The following PNRC1 variants were observed in gnomAD, a reference collection of about 807,000 sequenced individuals.
PNRC1 encodes proline-rich nuclear receptor coactivator 1.
Under a neutral mutation model 20.2 loss-of-function variants are expected in PNRC1, and 6 were observed. The ratio of observed to expected loss-of-function variants is 0.30; its 90% CI spans 0.16 to 0.59. PNRC1 has a LOEUF of 0.59. Among genes scored for constraint, PNRC1 ranks in the 20% least tolerant of loss-of-function variants. The probability of loss-of-function intolerance (pLI) is 0.89; values close to 1 mark genes in which losing one functional copy is unlikely to be tolerated. For missense variants in PNRC1, 488 were observed against 430.2 expected (o/e 1.13, Z -1.19); for synonymous variants, 202 against 186.9 (o/e 1.08, Z -0.66).
chr6:89,081,525 GCGGGTGGGGGC>G, intron 1 of PNRC1, 91 bp downstream of exon 1: 2 of 394,668 alleles, frequency 5.1e-6, no homozygotes, highest in Non-Finnish European at 8.7e-6. Flanking sequence ...GGGGGGTCGG[GCGGGTGGGGGC>G]GGGGTGGGGG....
At chr6:89,082,505 A>G (rs1768024647) in intron 1 of PNRC1, 1 of 152,200 alleles carries the variant, frequency 6.6e-6, no homozygotes, top group Non-Finnish European at 1.5e-5. Flanking sequence ...ATCCGTGATT[A>G]CCTAAAAGCT....
At chr6:89,083,629 T>C (rs1289771297) in intron 1 of PNRC1, 124 bp from the exon 2 acceptor site, 1 of 677,644 alleles carries the variant, frequency 1.5e-6, no homozygotes, top group African/African-American at 1.8e-5. Flanking sequence ...ACAAAGAACA[T>C]AATTTTGTTC....
At chr6:89,082,422 A>G (rs1768022718) in intron 1 of PNRC1, 1 of 152,172 alleles carries the variant, frequency 6.6e-6, no homozygotes, top group Non-Finnish European at 1.5e-5. Flanking sequence ...CCCTTGGGAA[A>G]AAATTTGCCC....
rs968949673 is a variant in PNRC1, at chr6:89,080,772, G to C, written c.-123G>C. The C allele has an allele frequency of 2.2e-5, 20 of 916,872 alleles. No homozygotes were observed. The highest frequency in any genetic ancestry group is 4.3e-5 in the South Asian group (3 of 70,426). 56.8% of individuals were successfully genotyped at this position (916,872 alleles called of 1,614,324 possible). ...ATTTGTTGCTGCGCCGCCACCGCCC[G>C]AGTCATGTTCCGCGATCTTCTCAGG... On this transcript the variant is annotated 5_prime_UTR_variant, in exon 1 of 2. Transcript: ENST00000336032.
chr6:89,081,020 A>T lies in PNRC1; in HGVS notation c.126A>T (p.Leu42Phe). The T allele has an allele frequency of 1.2e-6, 2 of 1,610,842 alleles. No individual in the cohort carries two copies. Among genetic ancestry groups the T allele is most frequent in the Non-Finnish European group, 1.7e-6 (2 of 1,179,598 alleles). Residue 42 changes from leucine to phenylalanine, a missense_variant, in exon 1 of 2, where the codon TTA (leucine) becomes TTT (phenylalanine). Leu to Phe is a conservative substitution (Grantham distance 22). Transcript: ENST00000336032. ...TGGTGACCACGGCTCCGCCTCCTTT[A>T]CCCCGGATCCCGGACCCCCGGGCAC... ...LPMVTTAPPP[L>F]PRIPDPRALP...
At position 89,081,108 on chromosome 6, in the gene PNRC1, C is replaced by T; in HGVS notation, c.214C>T (p.Pro72Ser). 1 of 1,608,838 alleles carries T rather than the reference C, an allele frequency of 6.2e-7. No homozygotes were observed. The highest frequency in any genetic ancestry group is 8.5e-7 in the Non-Finnish European group (1 of 1,179,766). The change falls in exon 1 of 2, where the codon CCT (proline) becomes TCT (serine). Residue 72 changes from proline (P) to serine (S), a missense_variant. By Grantham distance (74) the Pro-to-Ser change is moderately conservative (BLOSUM62 -1). Transcript: ENST00000336032. ...AGATGGCCCGTGTCTGACCCCCCAG[C>T]CTCGCGCTCCAGCAGCTCTGCCCAA... ...GGDGPCLTPQPRAPAALPNRS... is the reference protein window; with the variant it reads ...GGDGPCLTPQSRAPAALPNRS...
chr6:89,080,952 C>T lies in PNRC1; in HGVS notation c.58C>T (p.Pro20Ser). Residue 20 changes from proline (P) to serine (S), a missense_variant, in exon 1 of 2, where the codon CCG (proline) becomes TCG (serine). Transcript: ENST00000336032. Reference sequence around the variant, plus strand: ...GCTCGTCCTGGGTGGCCGCCTTGCGCCGCTTGGCTTTTCCTCCCGAGGTTA... The same window carrying T: ...GCTCGTCCTGGGTGGCCGCCTTGCGTCGCTTGGCTTTTCCTCCCGAGGTTA... Reference protein sequence around the residue: ...EPLVLGGRLAPLGFSSRGYFG... With the variant: ...EPLVLGGRLASLGFSSRGYFG... 6.2e-7 allele frequency: 1 copy of T among 1,613,292 alleles called. No homozygotes were observed. Among genetic ancestry groups the T allele is most frequent in the Non-Finnish European group, 8.5e-7 (1 of 1,180,016 alleles).
At position 89,083,823 on chromosome 6, in the gene PNRC1, A is replaced by C. The variant is rs916459842; in HGVS notation, c.611A>C (p.His204Pro). The stretch of plus-strand genomic sequence containing the variant: ...CATGGCCAGCTTGTTCATGGTATAC[A>C]CTTGTATGAGCAACCAAAGATAAAC... ...LPHGQLVHGI[H>P]LYEQPKINRQ... Residue 204 changes from histidine to proline, a missense_variant, in exon 2 of 2, where the codon CAC becomes CCC. His to Pro is a moderately conservative substitution (Grantham distance 77). Transcript: ENST00000336032. The C allele has an allele frequency of 6.2e-7, 1 of 1,613,886 alleles. No individual in the cohort carries two copies.
rs138142808 is a variant in PNRC1, at chr6:89,083,876, C to T, written c.664C>T (p.Leu222=). 5 of 1,614,012 alleles carry T rather than the reference C, an allele frequency of 3.1e-6. No homozygotes were observed. In the African/African-American group the frequency reaches 6.7e-5, roughly 22 times the overall value. The change falls in exon 2 of 2, where the codon CTA becomes TTA. Residue 222 remains leucine (L), a synonymous_variant. Coordinates refer to ENST00000336032, the MANE Select transcript of PNRC1 (RefSeq NM_006813.3). ...NRQKSKYNLP[L]TKITSAKRNE... ...ACAGAAAAGCAAATATAACTTGCCA[C>T]TAACCAAGATCACCTCTGCAAAAAG...
chr6:89,083,327 A>G (rs557166920), intron 1 of PNRC1, among the ~76,000 whole-genome samples: 20 of 152,274 alleles, frequency 1.3e-4, no homozygotes, highest in African/African-American at 4.8e-4. Flanking sequence ...TTTATTTTAG[A>G]TCAAGGAGGT....
In PNRC1 at chr6:89,081,221, G is replaced by C; in HGVS notation, c.327G>C (p.Gln109His). Residue 109 changes from glutamine (Q) to histidine (H), a missense_variant, in exon 1 of 2, where the codon CAG (glutamine) becomes CAC (histidine). Gln to His is a conservative substitution (Grantham distance 24). Transcript: ENST00000336032. ...KKKVRASPAGQLPSRFHQYQQ... is the reference protein window; with the variant it reads ...KKKVRASPAGHLPSRFHQYQQ... The stretch of plus-strand genomic sequence containing the variant: ...AGGTGCGGGCCAGCCCCGCAGGGCA[G>C]CTGCCCAGCCGCTTCCACCAGTACC... 1 of 1,555,082 alleles carries C rather than the reference G, an allele frequency of 6.4e-7. No homozygotes were observed. The highest frequency in any genetic ancestry group is 2.4e-5 in the East Asian group (1 of 41,746).
chr6:89,080,867 G>A lies in PNRC1; in HGVS notation c.-28G>A, dbSNP rs1163561160. On this transcript the variant is annotated 5_prime_UTR_variant, in exon 1 of 2. Transcript: ENST00000336032. ...TCATTCACCTTCTCCTTCTCTCTTC[G>A]TTGCTGAGCGACAAGCTTCCTAGCG... The A allele has an allele frequency of 1.9e-6, 3 of 1,604,640 alleles. No individual in the cohort carries two copies.
rs1768078944 is a variant in PNRC1, at chr6:89,084,669, A to G, written c.*473A>G. The G allele has an allele frequency of 6.5e-6, 1 of 152,904 alleles. No individual in the cohort carries two copies. The highest frequency in any genetic ancestry group is 1.9e-4 in the East Asian group (1 of 5,192). The allele number at this position is 152,904 out of a possible 1,614,324, so 9.5% of individuals were successfully genotyped here. On this transcript the variant is annotated 3_prime_UTR_variant, in exon 2 of 2. Transcript: ENST00000336032. ...GTAAGCATGGGGTTTGTTTCTCTAA[A>G]TTGATTTGTAATCTGAAATTACTGA... is the stretch of plus-strand genomic sequence containing the variant.
intron 1 of PNRC1, chr6:89,082,144 A>G (rs993736140): frequency 2.0e-5 from 3 of 152,264 alleles, no homozygotes; most frequent in Non-Finnish European, 4.4e-5. Context: ...CCACTGTGGT[A>G]CTTCGTGTTA....
At chr6:89,081,698 C>T (rs1345901440) in intron 1 of PNRC1, 1 of 286,264 alleles carries the variant, frequency 3.5e-6, no homozygotes, top group Non-Finnish European at 6.4e-6. Flanking sequence ...CAGCAACAGC[C>T]CCGATTTAGA....
chr6:89,083,620 CAAA>C, intron 1 of PNRC1, 130 bp from the exon 2 acceptor site: 4 of 649,148 alleles, frequency 6.2e-6, no homozygotes, highest in Non-Finnish European at 1.0e-5. Flanking sequence ...CGTGTTGTCA[CAAA>C]GAACATAATT....
At chr6:89,083,683 A>G (rs1212118747) in intron 1 of PNRC1, 70 bp from the exon 2 acceptor site, 5 of 1,136,636 alleles carry the variant, frequency 4.4e-6, no homozygotes, top group Non-Finnish European at 5.0e-6. Flanking sequence ...AAAACTAGAT[A>G]TGTGATATGA....
Position 89,080,839 on chromosome 6 carries a change from GCTTCATTCAC to G in PNRC1, c.-51_-42del. ...CATCGCCGCCACCCTATCTTCACTG[GCTTCATTCAC>G]CTTCTCCTTCTCTCTTCGTTGCTGA... On this transcript the variant is annotated 5_prime_UTR_variant, in exon 1 of 2. Transcript: ENST00000336032. The G allele has an allele frequency of 8.7e-7, 1 of 1,143,086 alleles. No individual in the cohort carries two copies. Among genetic ancestry groups the G allele is most frequent in the Non-Finnish European group, 1.2e-6 (1 of 835,260 alleles). 70.8% of individuals were successfully genotyped at this position (1,143,086 alleles called of 1,614,324 possible).
chr6:89,080,904 G>T lies in PNRC1; in HGVS notation c.10G>T (p.Val4Phe). Residue 4 changes from valine (V) to phenylalanine (F), a missense_variant, in exon 1 of 2, where the codon GTC becomes TTC. Coordinates refer to ENST00000336032, the MANE Select transcript of PNRC1 (RefSeq NM_006813.3). The stretch of plus-strand genomic sequence containing the variant: ...CAAGCTTCCTAGCGCTATGACTGTC[G>T]TCTCCGTCCCGCAGCGGGAGCCGCT... MTV[V>F]SVPQREPLVL... The T allele has an allele frequency of 6.2e-7, 1 of 1,611,254 alleles. No homozygotes were observed.
Sources: gnomAD v4.1 joint callset for allele counts (sites outside exome capture counted in the v4.1 genomes callset) on GRCh38, gnomAD v4.1.1 for gene constraint, MANE v1.5 for transcripts, NCBI Gene and HGNC (gene_info 2026-07-23, HGNC 2026-07-21) for gene names.